RTKN2: variants seen among roughly 807,000 people sequenced by gnomAD.
RTKN2 encodes rhotekin-2.
Under a neutral mutation model 71.5 loss-of-function variants are expected in RTKN2, and 69 were observed. That is an observed-to-expected ratio of 0.96 (90% CI 0.79 to 1.18). The LOEUF (loss-of-function observed/expected upper bound fraction) is 1.18. Ranked by LOEUF, RTKN2 falls within the 50% of genes most tolerant of loss-of-function variation. The probability of loss-of-function intolerance (pLI) is 0.00; values close to 1 mark genes in which losing one functional copy is unlikely to be tolerated. For missense variants in RTKN2, 724 were observed against 719.7 expected (o/e 1.01, Z -0.07); for synonymous variants, 236 against 236.5 (o/e 1.00, Z 0.02).
rs1841307685 is a variant in RTKN2, at chr10:62,195,580, A to G, written c.*2328T>C. 1.5e-6 allele frequency: 1 copy of G among 646,016 alleles called. No homozygotes were observed. Among genetic ancestry groups the G allele is most frequent in the African/African-American group, 2.0e-5 (1 of 50,692 alleles). 40.0% of individuals were successfully genotyped at this position (646,016 alleles called of 1,614,324 possible). A position where few individuals can be genotyped will look rare whatever the true frequency, so the allele number is the denominator to read the frequency against. On this transcript the variant is annotated 3_prime_UTR_variant, in exon 12 of 12. Coordinates refer to ENST00000373789, the MANE Select transcript of RTKN2 (RefSeq NM_145307.4). ...ACAAAAAGGAAGGAAGGAGGGAAGGAGGGAAGGAGAGACGGACAGAGGGAA... is the reference window on the plus strand; with the variant it reads ...ACAAAAAGGAAGGAAGGAGGGAAGGGGGGAAGGAGAGACGGACAGAGGGAA...
intron 8 of RTKN2, among the ~76,000 whole-genome samples, chr10:62,184,775 C>T (rs866740323): frequency 3.3e-5 from 5 of 152,124 alleles, no homozygotes; most frequent in Admixed American, 1.3e-4. Flanking sequence ...AACCAAATAA[C>T]CCAAGTCGCT....
At chr10:62,219,063 C>T (rs1033398039) in intron 7 of RTKN2, among the ~76,000 whole-genome samples, 3 of 152,136 alleles carry the variant, frequency 2.0e-5, no homozygotes, top group African/African-American at 7.2e-5. Context: ...TTGGCCCTTC[C>T]TCCTCCCCTT....
intron 10 of RTKN2, among the ~76,000 whole-genome samples, chr10:62,200,282 GA>G (rs1333979510): frequency 7.5e-6 from 1 of 133,170 alleles, no homozygotes; most frequent in Non-Finnish European, 1.5e-5. Context: ...AGGATCACTT[GA>G]ACTTGGGAGG....
At chr10:62,206,028 C>G (rs1025204631) in intron 9 of RTKN2, among the ~76,000 whole-genome samples, 7 of 152,066 alleles carry the variant, frequency 4.6e-5, no homozygotes, top group African/African-American at 1.7e-4. Context: ...AAAAGAAACT[C>G]CTGAAATTAA....
In RTKN2 at chr10:62,197,100, A is replaced by G; in HGVS notation, c.*808T>C. 1.0e-6 allele frequency: 1 copy of G among 980,950 alleles called. No individual in the cohort carries two copies. The highest frequency in any genetic ancestry group is 4.7e-5 in the South Asian group (1 of 21,206). 60.8% of individuals were successfully genotyped at this position (980,950 alleles called of 1,614,324 possible). A position where few individuals can be genotyped will look rare whatever the true frequency, so the allele number is the denominator to read the frequency against. On this transcript the variant is annotated 3_prime_UTR_variant, in exon 12 of 12. Coordinates refer to ENST00000373789, the MANE Select transcript of RTKN2 (RefSeq NM_145307.4). The stretch of plus-strand genomic sequence containing the variant: ...GAATCTCTCATCTTCTTTTTAAATA[A>G]GTATTAAATGAATTTTAAGGTGTTG...
chr10:62,236,607 C>T (rs1428933224), intron 5 of RTKN2, among the ~76,000 whole-genome samples: 1 of 152,000 alleles, frequency 6.6e-6, no homozygotes, highest in Admixed American at 6.6e-5. Flanking sequence ...AAAATCATTA[C>T]CTTGTGAAGT....
intron 10 of RTKN2, among the ~76,000 whole-genome samples, chr10:62,202,658 A>G (rs1220855924): frequency 6.6e-6 from 1 of 152,232 alleles, no homozygotes; most frequent in African/African-American, 2.4e-5. Context: ...CCGAGAACCA[A>G]GTTGTCATCA....
chr10:62,268,707 G>T lies in RTKN2; in HGVS notation c.-97C>A. The T allele has an allele frequency of 7.7e-7, 1 of 1,292,964 alleles. No homozygotes were observed. The highest frequency in any genetic ancestry group is 1.1e-6 in the Non-Finnish European group (1 of 932,936). 80.1% of individuals were successfully genotyped at this position (1,292,964 alleles called of 1,614,324 possible). ...AGCCGCAGAGGACGCCAACCGCCCG[G>T]CCGTACCAAGTCCCAGTCGCAGGGG... On this transcript the variant is annotated 5_prime_UTR_variant, in exon 1 of 12. Coordinates refer to ENST00000373789, the MANE Select transcript of RTKN2 (RefSeq NM_145307.4).
At chr10:62,224,672 A>G (rs1041592322) in intron 6 of RTKN2, among the ~76,000 whole-genome samples, 3 of 152,134 alleles carry the variant, frequency 2.0e-5, no homozygotes, top group African/African-American at 7.2e-5. Flanking sequence ...AACAAAGGAG[A>G]TGAGAAAACT....
intron 7 of RTKN2, among the ~76,000 whole-genome samples, chr10:62,220,574 G>A (rs1841884446): frequency 1.3e-5 from 2 of 152,008 alleles, no homozygotes; most frequent in Admixed American, 1.3e-4. Flanking sequence ...GAAACACGAA[G>A]GATACAATGA....
At chr10:62,204,722 G>A (rs908336949) in intron 10 of RTKN2, 135 bp downstream of exon 10, 5 of 557,482 alleles carry the variant, frequency 9.0e-6, no homozygotes, top group South Asian at 8.7e-5. Flanking sequence ...TCAGTGCATT[G>A]ATGATATACT....
chr10:62,218,873 C>A, intron 7 of RTKN2, among the ~76,000 whole-genome samples: 1 of 150,120 alleles, frequency 6.7e-6, no homozygotes, highest in Admixed American at 6.6e-5. Flanking sequence ...GTAGTCCCAG[C>A]TGCTTGGGAG....
chr10:62,261,920 A>G (rs1458649485), intron 2 of RTKN2, among the ~76,000 whole-genome samples: 1 of 152,206 alleles, frequency 6.6e-6, no homozygotes, highest in East Asian at 1.9e-4. Context: ...TTTTATTTAA[A>G]ATACACCAAA....
downstream of RTKN2, among the ~76,000 whole-genome samples, chr10:62,192,741 T>C (rs1841242751): frequency 6.6e-6 from 1 of 152,158 alleles, no homozygotes; most frequent in Non-Finnish European, 1.5e-5. Flanking sequence ...GAGTGACCCC[T>C]AGCCAACAGC....
In RTKN2 at chr10:62,239,750, G is replaced by C. The variant is rs892761349; in HGVS notation, c.386C>G (p.Ala129Gly). ...TCCCATTTTGAATAAACAAAAAATG[G>C]CATAGCGTCGTGATCCTGGAGGAAA... Reference protein sequence around the residue: ...FSNKERSRRYAIFCLFKMGAN... With the variant: ...FSNKERSRRYGIFCLFKMGAN... Residue 129 changes from alanine (A) to glycine (G), a missense_variant, in exon 5 of 12, where the codon GCC (alanine) becomes GGC (glycine). Transcript: ENST00000373789. The C allele has an allele frequency of 1.9e-6, 3 of 1,579,656 alleles. No individual in the cohort carries two copies. The highest frequency in any genetic ancestry group is 2.6e-6 in the Non-Finnish European group (3 of 1,156,224).
chr10:62,199,146 G>C (rs1483202300), intron 11 of RTKN2, among the ~76,000 whole-genome samples: 1 of 152,184 alleles, frequency 6.6e-6, no homozygotes, highest in Non-Finnish European at 1.5e-5. Flanking sequence ...TAAAGTGAAT[G>C]TAAGTACAGG....
At chr10:62,253,981 G>C (rs1452209733) in intron 2 of RTKN2, among the ~76,000 whole-genome samples, 3 of 152,110 alleles carry the variant, frequency 2.0e-5, no homozygotes, top group African/African-American at 7.2e-5. Flanking sequence ...GCTGATTCTT[G>C]GGGTGGGAAC....
chr10:62,236,085 G>A lies in RTKN2; in HGVS notation c.667C>T (p.Leu223Phe), dbSNP rs769126479. 6.2e-7 allele frequency: 1 copy of A among 1,611,660 alleles called. No individual in the cohort carries two copies. ...LQEEDDEMCL[L>F]LSSAVFGVKY... ...ACTTACAAAACAGCAGAGCTGAGGA[G>A]CAAGCACATTTCATCATCCTCTTCT... Residue 223 changes from leucine (L) to phenylalanine (F), a missense_variant, in exon 6 of 12, where the codon CTC (leucine) becomes TTC (phenylalanine). By Grantham distance (22) the Leu-to-Phe change is conservative. Coordinates refer to ENST00000373789, the MANE Select transcript of RTKN2 (RefSeq NM_145307.4).
At chr10:62,185,617 C>CA (rs1008412553) in intron 8 of RTKN2, among the ~76,000 whole-genome samples, 45 of 146,986 alleles carry the variant, frequency 3.1e-4, no homozygotes, top group East Asian at 4.0e-4. Context: ...GACTCCGTCT[C>CA]AAAAAAAAAA....
Sources: gnomAD v4.1 joint callset for allele counts (sites outside exome capture counted in the v4.1 genomes callset) on GRCh38, gnomAD v4.1.1 for gene constraint, MANE v1.5 for transcripts, NCBI Gene and HGNC (gene_info 2026-07-23, HGNC 2026-07-21) for gene names.